Variants in BBS9 observed in about 807,000 individuals in gnomAD.
BBS9 encodes the protein protein PTHB1.
A neutral mutation model predicts 117.7 loss-of-function variants in BBS9; 89 were observed. The observed-to-expected ratio is 0.76, with a 90% CI of 0.64 to 0.90. The LOEUF is 0.90. Among genes scored for constraint, BBS9 ranks in the 40% least tolerant of loss-of-function variants. BBS9 has a pLI of 0.00. For synonymous variants in BBS9, 379 were observed against 370.9 expected, an observed-to-expected ratio of 1.02 and a Z score of -0.25; for missense variants, 982 against 1,042.2, an observed-to-expected ratio of 0.94 and a Z score of 0.80.
chr7:33,586,934 C>T (rs1242274018), intron 21 of BBS9, among the ~76,000 whole-genome samples: 4 of 152,032 alleles, frequency 2.6e-5, no homozygotes, highest in Non-Finnish European at 5.9e-5. Flanking sequence ...TAAAAGCTAC[C>T]TGTTGGGTAC....
At chr7:33,152,577 A>T in intron 2 of BBS9, 124 bp from the exon 3 acceptor site, 1 of 921,882 alleles carries the variant, frequency 1.1e-6, no homozygotes, top group East Asian at 2.6e-5. Flanking sequence ...GCCTTTGTGT[A>T]TAAAGCAAGA....
At chr7:33,466,413 C>A (rs1316681672) in intron 19 of BBS9, among the ~76,000 whole-genome samples, 2 of 135,544 alleles carry the variant, frequency 1.5e-5, no homozygotes, top group Non-Finnish European at 3.2e-5. Context: ...TCTGGGCCCG[C>A]CCGGTTTATT....
At chr7:33,616,960 A>T (rs77253083) in intron 21 of BBS9, among the ~76,000 whole-genome samples, 2,206 of 152,040 alleles carry the variant, frequency 0.015, 52 homozygotes, top group African/African-American at 0.051. Context: ...AGCATGTGGT[A>T]TTTGACTTTC....
chr7:33,374,546 G>A (rs1823450490), intron 17 of BBS9, among the ~76,000 whole-genome samples: 1 of 152,152 alleles, frequency 6.6e-6, no homozygotes, highest in African/African-American at 2.4e-5. Flanking sequence ...CTGTTGAAAA[G>A]TAAGCGTTGA....
rs182314532 is a variant in BBS9, at chr7:33,160,303, C to T, written c.328+4601C>T. On this transcript the variant is annotated intron_variant, in intron 4 of 22. Coordinates refer to ENST00000242067, the MANE Select transcript of BBS9 (RefSeq NM_198428.3). The stretch of plus-strand genomic sequence containing the variant: ...TGGAAATGTTCTCTTTAACCTGTGA[C>T]GTAGGTTAAGAGGAGTGGACCAATG... Among the ~76,000 whole-genome samples, 455 of 152,232 alleles carry T rather than the reference C, an allele frequency of 3.0e-3. 1 individual carries two copies. The highest frequency in any genetic ancestry group is 0.011 in the African/African-American group (437 of 41,532).
intron 21 of BBS9, among the ~76,000 whole-genome samples, chr7:33,576,933 C>A (rs1859002242): frequency 1.3e-5 from 2 of 152,128 alleles, no homozygotes; most frequent in African/African-American, 4.8e-5. Flanking sequence ...ACATGTTAGA[C>A]CTAAAACCAT....
At chr7:33,212,980 G>A (rs147399585) in intron 5 of BBS9, among the ~76,000 whole-genome samples, 40 of 152,250 alleles carry the variant, frequency 2.6e-4, no homozygotes, top group Admixed American at 4.6e-4. Flanking sequence ...GTGTAGTACT[G>A]GGTGTCACCC....
chr7:33,274,500 C>G (rs1035749979), intron 9 of BBS9, among the ~76,000 whole-genome samples: 5 of 152,052 alleles, frequency 3.3e-5, no homozygotes, highest in African/African-American at 1.2e-4. Context: ...TCAAAAATGA[C>G]AGAAATGAGC....
intron 5 of BBS9, among the ~76,000 whole-genome samples, chr7:33,241,741 CTTAA>C (rs764988947): frequency 2.6e-5 from 4 of 151,996 alleles, no homozygotes; most frequent in Admixed American, 6.6e-5. Context: ...TTTGTTCACT[CTTAA>C]TTATTATATT....
At chr7:33,255,674 A>T (rs1796927721) in intron 5 of BBS9, among the ~76,000 whole-genome samples, 1 of 152,182 alleles carries the variant, frequency 6.6e-6, no homozygotes, top group African/African-American at 2.4e-5. Context: ...ACTTAGAGGC[A>T]TTTTTATACT....
intron 9 of BBS9, among the ~76,000 whole-genome samples, chr7:33,284,831 C>T (rs188778320): frequency 6.6e-6 from 1 of 152,114 alleles, no homozygotes; most frequent in Non-Finnish European, 1.5e-5. Flanking sequence ...TCTATGTCTA[C>T]AGTGGAAGAT....
intron 19 of BBS9, among the ~76,000 whole-genome samples, chr7:33,445,208 C>A (rs1836811806): frequency 6.6e-6 from 1 of 152,108 alleles, no homozygotes. Flanking sequence ...GGTTTTCAGG[C>A]CTTTAAGCAT....
chr7:33,451,506 A>G (rs551060797), intron 19 of BBS9, among the ~76,000 whole-genome samples: 1 of 152,184 alleles, frequency 6.6e-6, no homozygotes, highest in East Asian at 1.9e-4. Context: ...ATTTGACCAT[A>G]TATTTGAGGT....
intron 9 of BBS9, among the ~76,000 whole-genome samples, chr7:33,334,675 T>G (rs1814915843): frequency 6.6e-6 from 1 of 152,200 alleles, no homozygotes; most frequent in African/African-American, 2.4e-5. Flanking sequence ...GACTATTTGT[T>G]TTCTGAGGGG....
At chr7:33,506,214 ATTTAAC>A (rs1846131819) in intron 20 of BBS9, among the ~76,000 whole-genome samples, 1 of 152,206 alleles carries the variant, frequency 6.6e-6, no homozygotes, top group African/African-American at 2.4e-5. Flanking sequence ...GGAAAGGATT[ATTTAAC>A]TTAAAACCTC....
chr7:33,374,901 CAAAAAAAAAAAAAA>C (rs954530141), intron 17 of BBS9, among the ~76,000 whole-genome samples: 13 of 64,530 alleles, frequency 2.0e-4, no homozygotes, highest in Non-Finnish European at 2.4e-4. Context: ...AACTCCGTCT[CAAAAAAAAAAAAAA>C]AAAAAAAACC....
At chr7:33,517,083 G>C (rs1002195381) in intron 20 of BBS9, among the ~76,000 whole-genome samples, 3 of 152,220 alleles carry the variant, frequency 2.0e-5, no homozygotes, top group Non-Finnish European at 4.4e-5. Context: ...AGCAGTCTTA[G>C]AACTAAGTCC....
intron 5 of BBS9, among the ~76,000 whole-genome samples, chr7:33,244,032 C>T (rs1450646602): frequency 2.0e-5 from 3 of 152,152 alleles, no homozygotes; most frequent in Non-Finnish European, 4.4e-5. Flanking sequence ...CAAGACCAAC[C>T]TGGCCAACCA....
chr7:33,556,703 T>G (rs1855345631), intron 21 of BBS9, among the ~76,000 whole-genome samples: 1 of 152,196 alleles, frequency 6.6e-6, no homozygotes, highest in African/African-American at 2.4e-5. Context: ...GGAAAATGAC[T>G]TTAGAGGTGT....
Sources: allele counts gnomAD v4.1 joint callset (sites outside exome capture counted in the v4.1 genomes callset), GRCh38; gene constraint gnomAD v4.1.1; transcripts MANE v1.5; gene names NCBI Gene and HGNC (gene_info 2026-07-23, HGNC 2026-07-21).